RBFOX3: variants seen among roughly 807,000 people sequenced by gnomAD.
RBFOX3 encodes RNA binding protein fox-1 homolog 3.
RBFOX3 carries 17 observed loss-of-function variants against 48.7 expected under a neutral mutation model. That is an observed-to-expected ratio of 0.35 (90% confidence interval 0.24 to 0.52). The LOEUF (loss-of-function observed/expected upper bound fraction) is 0.52. Ranked by LOEUF, RBFOX3 falls within the 20% of genes least tolerant of loss-of-function variation. The probability of loss-of-function intolerance (pLI) is 0.94; values close to 1 mark genes in which losing one functional copy is unlikely to be tolerated. For missense variants in RBFOX3, 382 were observed against 497.5 expected, an observed-to-expected ratio of 0.77 and a Z score of 2.21; for synonymous variants, 212 against 209.5, an observed-to-expected ratio of 1.01 and a Z score of -0.10.
rs149034288 is a variant in RBFOX3 at position 79,295,082 on chromosome 17, G to C, written c.-74+12642C>G. ...TGCCTTTCCTAACGCTCTCGGCCCG[G>C]GTCAGAGACTCCATGTGAGAGAAGA... On this transcript the variant is annotated intron_variant, in intron 3 of 14. Transcript: ENST00000693108. Among the ~76,000 whole-genome samples the C allele has an allele frequency of 9.0e-3, 1,366 of 152,212 alleles. 9 individuals carry two copies. Among genetic ancestry groups the C allele is most frequent in the Middle Eastern group, 0.031 (9 of 294 alleles).
At chr17:79,278,554 C>A (rs1171565918) in intron 3 of RBFOX3, among the ~76,000 whole-genome samples, 1 of 102 alleles carries the variant, frequency 9.8e-3, no homozygotes, top group Non-Finnish European at 0.028. Flanking sequence ...GCATGCAGAC[C>A]CCCCACCCTG....
chr17:79,541,904 C>T (rs1335529001), intron 1 of RBFOX3, among the ~76,000 whole-genome samples: 2 of 152,116 alleles, frequency 1.3e-5, no homozygotes, highest in African/African-American at 4.8e-5. Context: ...CTGCCGATGT[C>T]ACCAGGTGGG....
intron 2 of RBFOX3, among the ~76,000 whole-genome samples, chr17:79,463,937 C>T (rs2075973006): frequency 6.6e-6 from 1 of 151,488 alleles, no homozygotes; most frequent in Admixed American, 6.6e-5. Context: ...GCCACCTCCC[C>T]ACCATCGCCA....
intron 2 of RBFOX3, among the ~76,000 whole-genome samples, chr17:79,411,724 G>A (rs769421387): frequency 6.6e-6 from 1 of 152,232 alleles, no homozygotes; most frequent in Non-Finnish European, 1.5e-5. Context: ...TGTGATCCAT[G>A]CATGCAATGG....
chr17:79,593,160 C>T (rs1392611287), intron 1 of RBFOX3, among the ~76,000 whole-genome samples: 1 of 152,146 alleles, frequency 6.6e-6, no homozygotes, highest in Non-Finnish European at 1.5e-5. Context: ...GTCCACAGCC[C>T]ACTCTTGGCA....
At chr17:79,372,261 G>A (rs2058655793) in intron 2 of RBFOX3, among the ~76,000 whole-genome samples, 1 of 145,776 alleles carries the variant, frequency 6.9e-6, no homozygotes, top group South Asian at 2.2e-4. Flanking sequence ...ACTATCCCCG[G>A]CAATCCTATG....
chr17:79,430,137 C>T (rs1312387942), intron 2 of RBFOX3, among the ~76,000 whole-genome samples: 1 of 152,142 alleles, frequency 6.6e-6, no homozygotes, highest in Non-Finnish European at 1.5e-5. Flanking sequence ...AGGGGCCAGC[C>T]AGCCGTCGCT....
At chr17:79,506,533 C>T (rs2083156296) in intron 1 of RBFOX3, among the ~76,000 whole-genome samples, 1 of 152,182 alleles carries the variant, frequency 6.6e-6, no homozygotes, top group Non-Finnish European at 1.5e-5. Context: ...CAGTGGCCCC[C>T]TACCTTCCTG....
chr17:79,465,916 T>C (rs1362992372), intron 2 of RBFOX3, among the ~76,000 whole-genome samples: 1 of 152,160 alleles, frequency 6.6e-6, no homozygotes, highest in African/African-American at 2.4e-5. Context: ...GCTCCATCTG[T>C]CCTCGATGTC....
chr17:79,151,235 A>T (rs925966018), intron 4 of RBFOX3, among the ~76,000 whole-genome samples: 2 of 151,600 alleles, frequency 1.3e-5, no homozygotes, highest in Admixed American at 6.6e-5. Context: ...GGAACACAAG[A>T]GAAGAAAAAG....
At chr17:79,401,798 C>T (rs573389116) in intron 2 of RBFOX3, among the ~76,000 whole-genome samples, 1 of 152,324 alleles carries the variant, frequency 6.6e-6, no homozygotes, top group South Asian at 2.1e-4. Context: ...GTGGGTCTGA[C>T]GACCGGCTCC....
intron 3 of RBFOX3, among the ~76,000 whole-genome samples, chr17:79,263,413 G>A (rs1056635985): frequency 3.3e-5 from 5 of 152,246 alleles, no homozygotes; most frequent in African/African-American, 9.6e-5. Context: ...TGGAAGGCAC[G>A]TGGAGTTTCT....
chr17:79,340,709 T>G (rs2081953550), intron 2 of RBFOX3, among the ~76,000 whole-genome samples: 1 of 152,024 alleles, frequency 6.6e-6, no homozygotes, highest in East Asian at 1.9e-4. Flanking sequence ...CAGCCTGACT[T>G]CATCCGATGA....
chr17:79,336,421 A>T (rs946967138), intron 2 of RBFOX3, among the ~76,000 whole-genome samples: 7 of 60,072 alleles, frequency 1.2e-4, no homozygotes, highest in Admixed American at 7.6e-4. Flanking sequence ...AATAAATAAA[A>T]TAAATTGAAA....
At chr17:79,629,596 C>T in the RBFOX3 span, among the ~76,000 whole-genome samples, 3 of 152,182 alleles carry the variant, frequency 2.0e-5, no homozygotes, top group Non-Finnish European at 4.4e-5. Flanking sequence ...GGATCAAAAG[C>T]TTTCCAAATG....
At chr17:79,553,480 G>A (rs1350230605) in intron 1 of RBFOX3, among the ~76,000 whole-genome samples, 6 of 152,054 alleles carry the variant, frequency 3.9e-5, no homozygotes, top group Admixed American at 1.3e-4. Flanking sequence ...CTCACTTTAG[G>A]AAAATTACTT....
chr17:79,644,760 T>C, the RBFOX3 span, among the ~76,000 whole-genome samples: 3 of 152,316 alleles, frequency 2.0e-5, no homozygotes, highest in African/African-American at 7.2e-5. Context: ...AAAGAAGACC[T>C]AAACAAATGA....
intron 2 of RBFOX3, among the ~76,000 whole-genome samples, chr17:79,333,165 A>G (rs947268320): frequency 1.3e-5 from 2 of 152,168 alleles, no homozygotes; most frequent in African/African-American, 4.8e-5. Context: ...GCCAGCCTTT[A>G]CCAGGGAGGA....
intron 2 of RBFOX3, among the ~76,000 whole-genome samples, chr17:79,425,316 T>C (rs901123000): frequency 6.6e-6 from 1 of 152,174 alleles, no homozygotes; most frequent in Non-Finnish European, 1.5e-5. Context: ...CCCTCCGCAG[T>C]AACCCTCTGC....
Sources: gnomAD v4.1 joint callset for allele counts (sites outside exome capture counted in the v4.1 genomes callset) on GRCh38, gnomAD v4.1.1 for gene constraint, MANE v1.5 for transcripts, NCBI Gene and HGNC (gene_info 2026-07-23, HGNC 2026-07-21) for gene names.